The following ABCA13 variants were observed in gnomAD, a reference collection of about 807,000 sequenced individuals.
ABCA13 encodes ATP binding cassette subfamily A member 13, also known as ATP-binding cassette sub-family A member 13.
In ABCA13, 476 loss-of-function variants were observed where a neutral mutation model predicts 478.7. That is an observed-to-expected ratio of 0.99 (90% CI 0.92 to 1.07). The LOEUF (loss-of-function observed/expected upper bound fraction) is 1.07, where lower values mean the gene tolerates loss of function less well. ABCA13 is among the 50% of genes least tolerant of loss of function. ABCA13 has a pLI of 0.00. For missense variants in ABCA13, 6,060 were observed against 5,910.6 expected (o/e 1.03, Z -0.83); for synonymous variants, 2,252 against 2,158.9 (o/e 1.04, Z -1.20).
At chr7:48,325,566 G>A (rs1471328125) in intron 27 of ABCA13, among the ~76,000 whole-genome samples, 1 of 151,912 alleles carries the variant, frequency 6.6e-6, no homozygotes, top group East Asian at 1.9e-4. Flanking sequence ...TCTTTTCATG[G>A]CATCTGCATT....
intron 3 of ABCA13, among the ~76,000 whole-genome samples, chr7:48,199,534 T>G (rs919631771): frequency 6.6e-6 from 1 of 152,210 alleles, no homozygotes; most frequent in Non-Finnish European, 1.5e-5. Context: ...CTATATCATC[T>G]TAGGGGTTAT....
rs372635281 is a variant in ABCA13 at position 48,404,037 on chromosome 7, G to A, written c.12070+158G>A. The A allele has an allele frequency of 1.8e-3, 1,533 of 838,448 alleles. 42 individuals carry two copies. The South Asian group carries it at 0.02, about 11-fold the overall frequency. 51.9% of individuals were successfully genotyped at this position (838,448 alleles called of 1,614,324 possible). A position where few individuals can be genotyped will look rare whatever the true frequency, so the allele number is the denominator to read the frequency against. On this transcript the variant is annotated intron_variant, in intron 39 of 61. Transcript: ENST00000435803. ...TAAAAGCACTTATAGGGATATATTC[G>A]TTAGATAACATCTCTATAGTGCTTA...
chr7:48,316,377 C>T (rs552590710), intron 26 of ABCA13, among the ~76,000 whole-genome samples: 62 of 152,228 alleles, frequency 4.1e-4, no homozygotes, highest in African/African-American at 1.5e-3. Context: ...GATGAAAAAC[C>T]AGATTTATTT....
rs1167517018 is a variant in ABCA13 at position 48,645,644 on chromosome 7, A to G, written c.*132A>G. ...AGGCCGTCAAATTATTCTCTTGTTC[A>G]TTTTCTATTTTGAATCTCCTTGTTA... On this transcript the variant is annotated 3_prime_UTR_variant, in exon 62 of 62. Transcript: ENST00000435803. The G allele has an allele frequency of 5.5e-6, 4 of 730,970 alleles. No homozygotes were observed. In the East Asian group the frequency reaches 1.2e-4, roughly 22 times the overall value. The allele number at this position is 730,970 out of a possible 1,614,324, so 45.3% of individuals were successfully genotyped here.
chr7:48,333,541 A>G (rs1805737936), intron 27 of ABCA13, among the ~76,000 whole-genome samples: 1 of 152,166 alleles, frequency 6.6e-6, no homozygotes, highest in Non-Finnish European at 1.5e-5. Context: ...ATTCTAAGCA[A>G]TATAATAGGA....
intron 58 of ABCA13, among the ~76,000 whole-genome samples, chr7:48,601,158 T>A (rs1790855955): frequency 6.6e-6 from 1 of 152,170 alleles, no homozygotes; most frequent in African/African-American, 2.4e-5. Context: ...TTTATTTTTT[T>A]TATAATTTTT....
intron 61 of ABCA13, 140 bp from the exon 62 acceptor site, chr7:48,645,277 G>A (rs1460750377): frequency 1.7e-6 from 1 of 605,316 alleles, no homozygotes; most frequent in Non-Finnish European, 2.9e-6. Flanking sequence ...TATGTGATTT[G>A]GGAGGGAATG....
At chr7:48,478,293 T>TATATATA (rs1554531472) in intron 45 of ABCA13, among the ~76,000 whole-genome samples, 1 of 132,854 alleles carries the variant, frequency 7.5e-6, no homozygotes, top group African/African-American at 2.8e-5. Context: ...ATATATCATT[T>TATATATA]TATATATATA....
chr7:48,404,578 C>A (rs1478002015), intron 39 of ABCA13: 1 of 152,260 alleles, frequency 6.6e-6, no homozygotes, highest in East Asian at 1.9e-4. Flanking sequence ...TTTTCTTTTG[C>A]CTTTTGAGTA....
chr7:48,485,243 T>C (rs555501046), intron 47 of ABCA13, among the ~76,000 whole-genome samples: 1 of 152,286 alleles, frequency 6.6e-6, no homozygotes, highest in African/African-American at 2.4e-5. Flanking sequence ...TTTTTTCTTA[T>C]AGCTGCTTAG....
At chr7:48,193,143 G>T in intron 2 of ABCA13, 91 bp downstream of exon 2, 5 of 907,912 alleles carry the variant, frequency 5.5e-6, no homozygotes, top group Non-Finnish European at 8.4e-6. Flanking sequence ...AACTCTGAAT[G>T]CTGAGTGAAA....
At chr7:48,405,241 T>TAGAC (rs1419054915) in intron 39 of ABCA13, among the ~76,000 whole-genome samples, 1 of 152,236 alleles carries the variant, frequency 6.6e-6, no homozygotes, top group African/African-American at 2.4e-5. Flanking sequence ...CTGTGAGGCC[T>TAGAC]AGACAGCCTG....
At chr7:48,490,884 TA>T (rs1476776477) in intron 48 of ABCA13, among the ~76,000 whole-genome samples, 2 of 152,146 alleles carry the variant, frequency 1.3e-5, no homozygotes, top group South Asian at 4.1e-4. Flanking sequence ...AGCCACTGAT[TA>T]AAGGGAGAAG....
chr7:48,616,175 T>C (rs893446759), intron 59 of ABCA13, among the ~76,000 whole-genome samples: 2 of 152,178 alleles, frequency 1.3e-5, no homozygotes, highest in Non-Finnish European at 2.9e-5. Context: ...ATTTGGTAAA[T>C]AGTCATATGT....
chr7:48,378,641 G>A (rs1009411182), intron 35 of ABCA13, among the ~76,000 whole-genome samples: 12 of 152,090 alleles, frequency 7.9e-5, no homozygotes, highest in African/African-American at 2.9e-4. Context: ...CTGCAATCCT[G>A]CAGTCTCACA....
chr7:48,599,657 G>T (rs928668658), intron 58 of ABCA13, among the ~76,000 whole-genome samples: 1 of 152,174 alleles, frequency 6.6e-6, no homozygotes, highest in Non-Finnish European at 1.5e-5. Flanking sequence ...GGTTTTGCAA[G>T]TCGTATGGTG....
At chr7:48,219,562 C>G (rs201430277) in intron 4 of ABCA13, 57 bp downstream of exon 4, 1 of 1,547,510 alleles carries the variant, frequency 6.5e-7, no homozygotes, top group African/African-American at 1.4e-5. Flanking sequence ...TTAAGGAGAG[C>G]TGTGGAGGCT....
At chr7:48,462,755 G>A (rs980996066) in intron 43 of ABCA13, among the ~76,000 whole-genome samples, 25 of 151,942 alleles carry the variant, frequency 1.6e-4, no homozygotes, top group African/African-American at 6.0e-4. Flanking sequence ...GTTATCTGCC[G>A]GCCTTGGCCT....
intron 56 of ABCA13, among the ~76,000 whole-genome samples, chr7:48,583,079 G>T (rs1788856277): frequency 6.6e-6 from 1 of 152,058 alleles, no homozygotes; most frequent in Non-Finnish European, 1.5e-5. Flanking sequence ...AAGAGATTTG[G>T]CAAATTCTGT....
Sources: gnomAD v4.1 joint callset for allele counts (sites outside exome capture counted in the v4.1 genomes callset) on GRCh38, gnomAD v4.1.1 for gene constraint, MANE v1.5 for transcripts, NCBI Gene and HGNC (gene_info 2026-07-23, HGNC 2026-07-21) for gene names.